The following RPA1 variants were observed in gnomAD, a reference collection of about 807,000 sequenced individuals.
RPA1 encodes replication protein A 70 kDa DNA-binding subunit.
In RPA1, 49 loss-of-function variants were observed where a neutral mutation model predicts 83.0. The ratio of observed to expected loss-of-function variants is 0.59; its 90% CI spans 0.47 to 0.75. The LOEUF (loss-of-function observed/expected upper bound fraction) is 0.75. RPA1 is among the 30% of genes least tolerant of loss of function. The probability of loss-of-function intolerance (pLI) is 0.00; values close to 1 mark genes in which losing one functional copy is unlikely to be tolerated. For missense variants in RPA1, 693 were observed against 776.1 expected, an observed-to-expected ratio of 0.89 and a Z score of 1.27; for synonymous variants, 279 against 281.8, an observed-to-expected ratio of 0.99 and a Z score of 0.10.
At chr17:1,864,688 C>A (rs1913114035) in intron 5 of RPA1, among the ~76,000 whole-genome samples, 1 of 151,920 alleles carries the variant, frequency 6.6e-6, no homozygotes, top group Non-Finnish European at 1.5e-5. Context: ...CACCTGAGGT[C>A]AGGAGTTCAA....
intron 12 of RPA1, among the ~76,000 whole-genome samples, chr17:1,881,915 G>A (rs1320604027): frequency 7.5e-6 from 1 of 132,670 alleles, no homozygotes; most frequent in Non-Finnish European, 1.7e-5. Flanking sequence ...GATCTTTGGT[G>A]GCAAATGTCT....
At chr17:1,837,468 C>T (rs545476232) in intron 1 of RPA1, among the ~76,000 whole-genome samples, 14 of 152,248 alleles carry the variant, frequency 9.2e-5, no homozygotes, top group Admixed American at 2.6e-4. Context: ...AATATGTTTT[C>T]GTTTCTCTGG....
intron 16 of RPA1, among the ~76,000 whole-genome samples, chr17:1,895,808 G>A (rs1914396627): frequency 6.6e-6 from 1 of 151,624 alleles, no homozygotes; most frequent in Non-Finnish European, 1.5e-5. Context: ...TTAGCCCCTC[G>A]AGTAGCTGGG....
chr17:1,869,478 C>A (rs1472727968), intron 5 of RPA1, among the ~76,000 whole-genome samples: 1 of 151,656 alleles, frequency 6.6e-6, no homozygotes, highest in African/African-American at 2.4e-5. Context: ...GCGGAGGTTG[C>A]AGTGAGCCGA....
rs1208250273 is a variant in RPA1, at chr17:1,843,947, A to G, written c.112A>G (p.Ser38Gly). ...INIRPITTGN[S>G]PPRYRLLMSD... ...CATCCGTCCCATTACTACGGGGAATAGTCCGCCGCGTTATCGACTGCTCAT... is the reference window on the plus strand; with the variant it reads ...CATCCGTCCCATTACTACGGGGAATGGTCCGCCGCGTTATCGACTGCTCAT... The change falls in exon 3 of 17, where the codon AGT becomes GGT. Residue 38 changes from serine to glycine, a missense_variant. Ser to Gly is a moderately conservative substitution (Grantham distance 56). Coordinates refer to ENST00000254719, the MANE Select transcript of RPA1 (RefSeq NM_002945.5). The G allele has an allele frequency of 6.2e-7, 1 of 1,613,868 alleles. No individual in the cohort carries two copies. Among genetic ancestry groups the G allele is most frequent in the African/African-American group, 1.3e-5 (1 of 74,920 alleles).
chr17:1,855,399 G>T (rs568533915), intron 5 of RPA1, among the ~76,000 whole-genome samples: 1 of 152,088 alleles, frequency 6.6e-6, no homozygotes, highest in East Asian at 1.9e-4. Flanking sequence ...ATGTTGGCCA[G>T]GCTGGTCTCG....
At chr17:1,862,327 G>T (rs1309743712) in intron 5 of RPA1, among the ~76,000 whole-genome samples, 1 of 150,150 alleles carries the variant, frequency 6.7e-6, no homozygotes, top group African/African-American at 2.5e-5. Flanking sequence ...GAGCCACAGC[G>T]CCCAGCTTAG....
At chr17:1,877,409 G>C in intron 8 of RPA1, 95 bp downstream of exon 8, 1 of 1,093,738 alleles carries the variant, frequency 9.1e-7, no homozygotes. Context: ...CTGGGAAACA[G>C]AAGGCTCAGC....
chr17:1,831,861 A>G (rs535258198), intron 1 of RPA1, among the ~76,000 whole-genome samples: 1 of 144,818 alleles, frequency 6.9e-6, no homozygotes, highest in Admixed American at 6.9e-5. Context: ...GGCCTCCCAA[A>G]GTGTTGGGGT....
chr17:1,875,922 CTTT>C (rs371878374), intron 7 of RPA1, 129 bp downstream of exon 7: 15,642 of 529,040 alleles, frequency 0.03, no homozygotes, highest in South Asian at 0.038. Context: ...TGGGTTTACT[CTTT>C]TTTTTTTTTT....
chr17:1,855,818 A>ATT (rs34758675), intron 5 of RPA1, among the ~76,000 whole-genome samples: 38 of 146,886 alleles, frequency 2.6e-4, no homozygotes, highest in Middle Eastern at 3.6e-3. Flanking sequence ...TCTGGGCCTG[A>ATT]TTTTTTTTTT....
At chr17:1,840,563 G>A (rs1912007207) in intron 1 of RPA1, among the ~76,000 whole-genome samples, 2 of 152,024 alleles carry the variant, frequency 1.3e-5, no homozygotes, top group Admixed American at 1.3e-4. Context: ...TAGGATTACA[G>A]GCGTGAGCCA....
intron 9 of RPA1, 31 bp downstream of exon 9, chr17:1,879,092 C>A (rs780734547): frequency 3.1e-6 from 5 of 1,613,108 alleles, no homozygotes; most frequent in Admixed American, 1.7e-5. Context: ...GAACTGACAC[C>A]GCCTGGGGGT....
chr17:1,872,556 CA>C, intron 6 of RPA1, 30 bp downstream of exon 6: 2 of 1,609,204 alleles, frequency 1.2e-6, no homozygotes, highest in Non-Finnish European at 1.7e-6. Context: ...GTGCGCTGAC[CA>C]GGGGTGTCAG....
At chr17:1,859,957 C>G (rs1333157440) in intron 5 of RPA1, among the ~76,000 whole-genome samples, 1 of 152,182 alleles carries the variant, frequency 6.6e-6, no homozygotes, top group Non-Finnish European at 1.5e-5. Context: ...GGGCTACAGG[C>G]ACGCATCACC....
At chr17:1,832,571 G>A (rs1216534605) in intron 1 of RPA1, among the ~76,000 whole-genome samples, 1 of 151,450 alleles carries the variant, frequency 6.6e-6, no homozygotes, top group African/African-American at 2.4e-5. Flanking sequence ...ATTTTTAGTA[G>A]AGATGGGGTT....
At chr17:1,854,761 G>A (rs1363769432) in intron 5 of RPA1, among the ~76,000 whole-genome samples, 1 of 152,184 alleles carries the variant, frequency 6.6e-6, no homozygotes, top group African/African-American at 2.4e-5. Flanking sequence ...CAACTCATAG[G>A]ATTGACAAAG....
chr17:1,840,434 G>A lies in RPA1; in HGVS notation c.34-2369G>A, dbSNP rs141741217. Among the ~76,000 whole-genome samples the A allele has an allele frequency of 4.4e-3, 673 of 152,174 alleles. 11 individuals are homozygous for A. Among genetic ancestry groups the A allele is most frequent in the East Asian group, 0.023 (118 of 5,152 alleles). The stretch of plus-strand genomic sequence containing the variant: ...CCCAAATAGCTGGGACTACAGGCAC[G>A]TCCCACCACGCCCGGTTAATTTTTT... On this transcript the variant is annotated intron_variant, in intron 1 of 16. Coordinates refer to ENST00000254719, the MANE Select transcript of RPA1 (RefSeq NM_002945.5).
At chr17:1,838,708 G>A (rs1310772192) in intron 1 of RPA1, among the ~76,000 whole-genome samples, 1 of 151,748 alleles carries the variant, frequency 6.6e-6, no homozygotes, top group Non-Finnish European at 1.5e-5. Flanking sequence ...TTTGCCTTGT[G>A]GTCTGTAATG....
Sources: gnomAD v4.1 joint callset for allele counts (sites outside exome capture counted in the v4.1 genomes callset) on GRCh38, gnomAD v4.1.1 for gene constraint, MANE v1.5 for transcripts, NCBI Gene and HGNC (gene_info 2026-07-23, HGNC 2026-07-21) for gene names.